ITGB3BP: variants seen among roughly 807,000 people sequenced by gnomAD.
The protein encoded by ITGB3BP is integrin subunit beta 3 binding protein.
A neutral mutation model predicts 29.1 loss-of-function variants in ITGB3BP; 27 were observed. The observed-to-expected ratio is 0.93, with a 90% CI of 0.68 to 1.28. The LOEUF (loss-of-function observed/expected upper bound fraction) is 1.28, where lower values mean the gene tolerates loss of function less well. Among genes scored for constraint, ITGB3BP ranks in the 50% most tolerant of loss-of-function variants. The pLI is 0.00. For missense variants in ITGB3BP, 192 were observed against 200.2 expected, an observed-to-expected ratio of 0.96 and a Z score of 0.25; for synonymous variants, 61 against 61.4, an observed-to-expected ratio of 0.99 and a Z score of 0.03.
intron 2 of ITGB3BP, among the ~76,000 whole-genome samples, chr1:63,498,757 G>A (rs1407473283): frequency 2.0e-5 from 3 of 151,402 alleles, no homozygotes; most frequent in African/African-American, 7.3e-5. Context: ...TAGTGGTGGT[G>A]ATTCCAATAG....
intron 4 of ITGB3BP, 24 bp downstream of exon 4, chr1:63,478,740 T>C: frequency 8.7e-7 from 1 of 1,150,786 alleles, no homozygotes; most frequent in Non-Finnish European, 1.3e-6. Context: ...TACACATATA[T>C]AATTTCAAAA....
chr1:63,453,348 G>A (rs1156983275), intron 7 of ITGB3BP, among the ~76,000 whole-genome samples: 1 of 152,084 alleles, frequency 6.6e-6, no homozygotes, highest in East Asian at 1.9e-4. Flanking sequence ...AATCACTCCT[G>A]TATTAGTCTA....
intron 3 of ITGB3BP, 94 bp from the exon 4 acceptor site, chr1:63,478,927 T>G: frequency 2.1e-6 from 1 of 467,510 alleles, no homozygotes; most frequent in African/African-American, 2.0e-5. Context: ...AAATAGAAAG[T>G]AAAAAGGACA....
intron 1 of ITGB3BP, among the ~76,000 whole-genome samples, chr1:63,516,716 A>G (rs1384894998): frequency 6.6e-6 from 1 of 151,154 alleles, no homozygotes; most frequent in Non-Finnish European, 1.5e-5. Flanking sequence ...TTTCATGAAA[A>G]AAAAAAAAAA....
intron 1 of ITGB3BP, among the ~76,000 whole-genome samples, chr1:63,520,637 A>G (rs1458316942): frequency 6.6e-6 from 1 of 152,206 alleles, no homozygotes; most frequent in East Asian, 1.9e-4. Context: ...CTAATGAATA[A>G]TGGATACTAA....
intron 7 of ITGB3BP, among the ~76,000 whole-genome samples, chr1:63,450,055 C>T (rs3004314): frequency 0.34 from 51,323 of 151,602 alleles, 8,905 homozygotes; most frequent in East Asian, 0.48. Flanking sequence ...GTCCTGTTGT[C>T]TAAGAATCTG....
chr1:63,455,205 C>T (rs1316530077), intron 4 of ITGB3BP, among the ~76,000 whole-genome samples: 5 of 152,096 alleles, frequency 3.3e-5, no homozygotes, highest in African/African-American at 1.2e-4. Context: ...ACATTGAGAA[C>T]ACTAATACAC....
At chr1:63,473,535 C>T (rs1418825039) in intron 4 of ITGB3BP, among the ~76,000 whole-genome samples, 1 of 139,848 alleles carries the variant, frequency 7.2e-6, no homozygotes, top group East Asian at 2.3e-4. Context: ...GGGTCAGCCC[C>T]CCGCCCGGCC....
At chr1:63,442,039 T>C (rs74693182) in intron 8 of ITGB3BP, among the ~76,000 whole-genome samples, 2,854 of 152,312 alleles carry the variant, frequency 0.019, 50 homozygotes, top group Non-Finnish European at 0.032. Flanking sequence ...CAGTGAGCTA[T>C]GATTGCACCA....
chr1:63,491,125 C>G (rs1013354769), intron 2 of ITGB3BP, among the ~76,000 whole-genome samples: 3 of 152,258 alleles, frequency 2.0e-5, no homozygotes, highest in East Asian at 3.9e-4. Context: ...AAGACCTAGA[C>G]TTTCCTTAGT....
chr1:63,468,832 G>T (rs1645143643), intron 4 of ITGB3BP, among the ~76,000 whole-genome samples: 1 of 151,534 alleles, frequency 6.6e-6, no homozygotes, highest in African/African-American at 2.4e-5. Context: ...TTGCATTTCA[G>T]CCTGGGCAAT....
intron 4 of ITGB3BP, 85 bp downstream of exon 4, chr1:63,478,679 T>G (rs1645383814): frequency 3.0e-6 from 2 of 661,658 alleles, no homozygotes; most frequent in Non-Finnish European, 2.6e-6. Context: ...TTTCTACAAA[T>G]AAATGCTTTT....
intron 8 of ITGB3BP, among the ~76,000 whole-genome samples, chr1:63,446,069 T>C (rs1644787442): frequency 6.6e-6 from 1 of 152,118 alleles, no homozygotes. Context: ...GGCTAATTTT[T>C]TGTATTTTTA....
chr1:63,524,718 A>G (rs1428522611), upstream of ITGB3BP, among the ~76,000 whole-genome samples: 4 of 152,238 alleles, frequency 2.6e-5, no homozygotes, highest in African/African-American at 4.8e-5. Context: ...ATTAACAAAG[A>G]AGAAACTGTT....
At chr1:63,451,927 T>C (rs1462708852) in intron 7 of ITGB3BP, 2 of 152,116 alleles carry the variant, frequency 1.3e-5, no homozygotes, top group Non-Finnish European at 2.9e-5. Flanking sequence ...CTATGTATTA[T>C]ATATTTTTTA....
intron 8 of ITGB3BP, among the ~76,000 whole-genome samples, chr1:63,444,186 ATG>A (rs1644761446): frequency 6.6e-6 from 1 of 152,094 alleles, no homozygotes; most frequent in Non-Finnish European, 1.5e-5. Flanking sequence ...ACACCCCAAA[ATG>A]TGGTTATCTT....
intron 3 of ITGB3BP, among the ~76,000 whole-genome samples, chr1:63,480,842 G>A (rs1645426125): frequency 6.6e-6 from 1 of 151,802 alleles, no homozygotes; most frequent in African/African-American, 2.4e-5. Flanking sequence ...AGAATGTAAG[G>A]GGAAAAGAAT....
intron 1 of ITGB3BP, among the ~76,000 whole-genome samples, chr1:63,515,414 C>CAA (rs1646293272): frequency 6.6e-6 from 1 of 152,166 alleles, no homozygotes; most frequent in Non-Finnish European, 1.5e-5. Flanking sequence ...GTACATACTC[C>CAA]AACTTCATTC....
At chr1:63,502,633 T>C (rs1360289212) in intron 2 of ITGB3BP, among the ~76,000 whole-genome samples, 1 of 151,524 alleles carries the variant, frequency 6.6e-6, no homozygotes. Context: ...CATTTAACAT[T>C]AGGTATATCT....
Sources: gnomAD v4.1 joint callset for allele counts (sites outside exome capture counted in the v4.1 genomes callset) on GRCh38, gnomAD v4.1.1 for gene constraint, MANE v1.5 for transcripts, NCBI Gene and HGNC (gene_info 2026-07-23, HGNC 2026-07-21) for gene names.